SYT11: variants seen among roughly 807,000 people sequenced by gnomAD.
The protein encoded by SYT11 is synaptotagmin-11.
SYT11 carries 12 observed loss-of-function variants against 30.4 expected under a neutral mutation model. The ratio of observed to expected loss-of-function variants is 0.39; its 90% CI spans 0.25 to 0.64. The LOEUF is 0.64. Ranked by LOEUF, SYT11 falls within the 30% of genes least tolerant of loss-of-function variation. The pLI, the probability that SYT11 is intolerant of heterozygous loss-of-function variation, is 0.45. For synonymous variants in SYT11, 204 were observed against 216.0 expected, an observed-to-expected ratio of 0.94 and a Z score of 0.49; for missense variants, 412 against 552.0, an observed-to-expected ratio of 0.75 and a Z score of 2.54.
At chr1:155,878,295 G>A (rs867173677) in intron 2 of SYT11, among the ~76,000 whole-genome samples, 1 of 152,048 alleles carries the variant, frequency 6.6e-6, no homozygotes, top group Non-Finnish European at 1.5e-5. Context: ...TCTTGTATGG[G>A]TGCTGCTGAC....
chr1:155,876,400 C>T (rs1571978803), intron 2 of SYT11, among the ~76,000 whole-genome samples: 1 of 152,070 alleles, frequency 6.6e-6, no homozygotes, highest in East Asian at 1.9e-4. Flanking sequence ...CGCCCGCCAC[C>T]ACGCCCGGCT....
chr1:155,877,954 G>A (rs911261723), intron 2 of SYT11, among the ~76,000 whole-genome samples: 1 of 152,070 alleles, frequency 6.6e-6, no homozygotes, highest in African/African-American at 2.4e-5. Context: ...ATAAAATGAT[G>A]ACAACTGGCC....
intron 2 of SYT11, among the ~76,000 whole-genome samples, chr1:155,870,951 AG>A (rs1419151968): frequency 1.3e-5 from 2 of 152,208 alleles, no homozygotes; most frequent in African/African-American, 4.8e-5. Flanking sequence ...ATTGTGATTT[AG>A]GGTAGAGGTG....
chr1:155,862,037 A>AGTTCTGGT (rs1672600812), intron 1 of SYT11, among the ~76,000 whole-genome samples: 1 of 152,234 alleles, frequency 6.6e-6, no homozygotes, highest in Admixed American at 6.5e-5. Context: ...CAATAAAAGC[A>AGTTCTGGT]GTTCTGGTCA....
At position 155,867,941 on chromosome 1, in the gene SYT11, C is replaced by A. The variant is rs1028266814; in HGVS notation, c.35-24C>A. ...AGGAGGTGAAGTCCACCCGCCCTGA[C>A]ACATCTCTGATCTCCGCCTTCAGAT... is the stretch of plus-strand genomic sequence containing the variant. On this transcript the variant is annotated intron_variant, in intron 1 of 3. Transcript: ENST00000368324. 1.9e-6 allele frequency: 3 copies of A among 1,572,200 alleles called. No homozygotes were observed. The African/African-American group carries it at 4.1e-5, about 21-fold the overall frequency.
At chr1:155,875,929 A>C (rs962656565) in intron 2 of SYT11, among the ~76,000 whole-genome samples, 1 of 152,154 alleles carries the variant, frequency 6.6e-6, no homozygotes, top group Admixed American at 6.6e-5. Flanking sequence ...GACATACCTG[A>C]GTAGATAGTG....
rs532692213 is a variant in SYT11, at chr1:155,883,649, G to T, written c.*2141G>T. The T allele has an allele frequency of 2.6e-5, 4 of 152,066 alleles. No homozygotes were observed. Among genetic ancestry groups the T allele is most frequent in the Non-Finnish European group, 5.9e-5 (4 of 68,014 alleles). The allele number at this position is 152,066 out of a possible 1,614,324, so 9.4% of individuals were successfully genotyped here. On this transcript the variant is annotated 3_prime_UTR_variant, in exon 4 of 4. Transcript: ENST00000368324. ...GCTGTTGCTTAACAGCTTGATCCAG[G>T]GCGTGAAAGGTTAGTTGAGACTGAA...
chr1:155,867,215 G>A (rs922123481), intron 1 of SYT11, among the ~76,000 whole-genome samples: 4 of 151,840 alleles, frequency 2.6e-5, no homozygotes, highest in African/African-American at 7.3e-5. Flanking sequence ...ATGCCACCAC[G>A]CCCAGCTAAT....
At position 155,883,465 on chromosome 1, in the gene SYT11, T is replaced by C. The variant is rs1467093626; in HGVS notation, c.*1957T>C. 6.6e-6 allele frequency: 1 copy of C among 152,170 alleles called. No homozygotes were observed. The highest frequency in any genetic ancestry group is 2.4e-5 in the African/African-American group (1 of 41,410). The allele number at this position is 152,170 out of a possible 1,614,324, so 9.4% of individuals were successfully genotyped here. On this transcript the variant is annotated 3_prime_UTR_variant, in exon 4 of 4. Coordinates refer to ENST00000368324, the MANE Select transcript of SYT11 (RefSeq NM_152280.5). ...TGGGAGGATCATTTGAGCCCAGAGG[T>C]AGAGGCTGCAGTGAGCCATGATCAT...
At chr1:155,863,155 C>G (rs1406462252) in intron 1 of SYT11, among the ~76,000 whole-genome samples, 1 of 152,036 alleles carries the variant, frequency 6.6e-6, no homozygotes, top group Non-Finnish European at 1.5e-5. Flanking sequence ...TGCTCCTTAT[C>G]TATATTATTT....
intron 1 of SYT11, among the ~76,000 whole-genome samples, chr1:155,865,296 C>T (rs998506958): frequency 3.9e-5 from 6 of 152,054 alleles, no homozygotes; most frequent in Non-Finnish European, 7.4e-5. Context: ...TCGGGGCTCA[C>T]GATAAGTGAA....
rs1557952125 is a variant in SYT11 at position 155,882,848 on chromosome 1, G to C, written c.*1340G>C. On this transcript the variant is annotated 3_prime_UTR_variant, in exon 4 of 4. Coordinates refer to ENST00000368324, the MANE Select transcript of SYT11 (RefSeq NM_152280.5). ...TTTTTCTGGAAATGCCGACCATGGA[G>C]ATGCTTTAGAGTCTTCTCAAATAGC... 1 of 152,320 alleles carries C rather than the reference G, an allele frequency of 6.6e-6. No homozygotes were observed. Among genetic ancestry groups the C allele is most frequent in the Non-Finnish European group, 1.5e-5 (1 of 68,046 alleles). The allele number at this position is 152,320 out of a possible 1,614,324, so 9.4% of individuals were successfully genotyped here.
At chr1:155,878,603 C>T (rs375664265) in intron 2 of SYT11, among the ~76,000 whole-genome samples, 17 of 152,274 alleles carry the variant, frequency 1.1e-4, no homozygotes, top group African/African-American at 3.4e-4. Flanking sequence ...CGGTGGCTCA[C>T]GCCTGTAATC....
intron 2 of SYT11, among the ~76,000 whole-genome samples, chr1:155,876,568 C>A (rs962637840): frequency 6.6e-6 from 1 of 151,542 alleles, no homozygotes; most frequent in South Asian, 2.1e-4. Flanking sequence ...CTTTTGTTTT[C>A]TTTATCCCAG....
chr1:155,882,752 T>C lies in SYT11; in HGVS notation c.*1244T>C, dbSNP rs989258080. 1.3e-5 allele frequency: 2 copies of C among 152,362 alleles called. No homozygotes were observed. The highest frequency in any genetic ancestry group is 6.5e-5 in the Admixed American group (1 of 15,278). The allele number at this position is 152,362 out of a possible 1,614,324, so 9.4% of individuals were successfully genotyped here. A position where few individuals can be genotyped will look rare whatever the true frequency, so the allele number is the denominator to read the frequency against. On this transcript the variant is annotated 3_prime_UTR_variant, in exon 4 of 4. Coordinates refer to ENST00000368324, the MANE Select transcript of SYT11 (RefSeq NM_152280.5). Reference sequence around the variant, plus strand: ...GCCATTCCCCTTTGCAGCTATCTACTGTAGTGACAGCCATTTCTTGGTTGA... The same window carrying C: ...GCCATTCCCCTTTGCAGCTATCTACCGTAGTGACAGCCATTTCTTGGTTGA...
rs1672541075 is a variant in SYT11 at position 155,860,427 on chromosome 1, T to C, written c.34+632T>C. Among the ~76,000 whole-genome samples, 1 of 152,234 alleles carries C rather than the reference T, an allele frequency of 6.6e-6. No individual in the cohort carries two copies. The highest frequency in any genetic ancestry group is 6.5e-5 in the Admixed American group (1 of 15,286). On this transcript the variant is annotated intron_variant, in intron 1 of 3. Transcript: ENST00000368324. The surrounding 1 kb of genome is among the most constrained non-coding windows in gnomAD (Gnocchi z 4.1). ...TTCCGCATCGTAATGGTGGGGTCCC[T>C]CCGATGCTACCAAATGGCGCTTGGC... is the stretch of plus-strand genomic sequence containing the variant.
At chr1:155,874,274 G>A (rs1749410) in intron 2 of SYT11, among the ~76,000 whole-genome samples, 82,168 of 151,412 alleles carry the variant, frequency 0.54, 24,288 homozygotes, top group Middle Eastern at 0.67. Flanking sequence ...ACCCTGTCTC[G>A]AGGGGAAAAA....
At position 155,859,672 on chromosome 1, in the gene SYT11, C is replaced by T. The variant is rs1672515255; in HGVS notation, c.-90C>T. On this transcript the variant is annotated 5_prime_UTR_variant, in exon 1 of 4. Coordinates refer to ENST00000368324, the MANE Select transcript of SYT11 (RefSeq NM_152280.5). ...ACCTTCCCCCTTCCCTGACCTAGAG[C>T]TCTACAGCTGCTGCCTCGGTACTGA... The T allele has an allele frequency of 1.6e-6, 2 of 1,285,774 alleles. No individual in the cohort carries two copies. The highest frequency in any genetic ancestry group is 2.3e-6 in the Non-Finnish European group (2 of 881,672). The allele number at this position is 1,285,774 out of a possible 1,614,324, so 79.6% of individuals were successfully genotyped here. A position where few individuals can be genotyped will look rare whatever the true frequency, so the allele number is the denominator to read the frequency against.
intron 1 of SYT11, 85 bp downstream of exon 1, chr1:155,859,880 GC>G: frequency 7.6e-7 from 1 of 1,319,788 alleles, no homozygotes; most frequent in Non-Finnish European, 1.1e-6. Context: ...AGAGAATGCA[GC>G]CCAGACCAGA....
Sources: gnomAD v4.1 joint callset for allele counts (sites outside exome capture counted in the v4.1 genomes callset) on GRCh38, gnomAD v4.1.1 for gene constraint, Gnocchi (gnomAD v3.1) non-coding constraint, MANE v1.5 for transcripts, NCBI Gene and HGNC (gene_info 2026-07-23, HGNC 2026-07-21) for gene names.